The following RBFOX1 variants were observed in gnomAD, a reference collection of about 807,000 sequenced individuals.
RBFOX1 encodes the protein RNA binding protein fox-1 homolog 1.
Under a neutral mutation model 57.7 loss-of-function variants are expected in RBFOX1, and 8 were observed. That is an observed-to-expected ratio of 0.14 (90% confidence interval 0.08 to 0.25). The LOEUF is 0.25. Ranked by LOEUF, RBFOX1 falls within the 10% of genes least tolerant of loss-of-function variation. The pLI, the probability that RBFOX1 is intolerant of heterozygous loss-of-function variation, is 1.00. For synonymous variants in RBFOX1, 326 were observed against 222.4 expected (o/e 1.47, Z -4.15); for missense variants, 611 against 548.5 (o/e 1.11, Z -1.14).
At chr16:5,798,990 A>G (rs1378190932) in intron 3 of RBFOX1, among the ~76,000 whole-genome samples, 1 of 152,144 alleles carries the variant, frequency 6.6e-6, no homozygotes, top group African/African-American at 2.4e-5. Context: ...TTCCTCTGCA[A>G]AAGGGCTTAT....
chr16:5,951,304 C>T (rs148072452), intron 4 of RBFOX1, among the ~76,000 whole-genome samples: 214 of 152,040 alleles, frequency 1.4e-3, no homozygotes, highest in African/African-American at 4.5e-3. Flanking sequence ...AAAAATTACC[C>T]GGGTGTGGTG....
intron 2 of RBFOX1, among the ~76,000 whole-genome samples, chr16:6,398,936 T>A (rs2092952384): frequency 6.6e-6 from 1 of 152,196 alleles, no homozygotes; most frequent in Non-Finnish European, 1.5e-5. Context: ...CTAGCAGAGG[T>A]TCTCCATGAG....
chr16:7,446,597 T>C (rs1466167272), intron 4 of RBFOX1, among the ~76,000 whole-genome samples: 2 of 152,042 alleles, frequency 1.3e-5, no homozygotes, highest in East Asian at 3.9e-4. Flanking sequence ...TGTCCTATAG[T>C]TCTCTTTCAA....
intron 4 of RBFOX1, among the ~76,000 whole-genome samples, chr16:5,932,275 G>A (rs922200492): frequency 4.6e-5 from 7 of 152,308 alleles, no homozygotes; most frequent in African/African-American, 1.7e-4. Context: ...TGGAAGGGCC[G>A]TGCCCTAAGG....
At chr16:6,906,835 G>C (rs935266321) in intron 3 of RBFOX1, among the ~76,000 whole-genome samples, 5 of 150,918 alleles carry the variant, frequency 3.3e-5, no homozygotes, top group Non-Finnish European at 1.5e-5. Flanking sequence ...CAATTCTCCT[G>C]CCTCAGCCTC....
chr16:6,483,555 C>G (rs1040112000), intron 2 of RBFOX1: 46 of 1,534,658 alleles, frequency 3.0e-5, no homozygotes, highest in Non-Finnish European at 3.0e-5. Flanking sequence ...GTACGGCGAG[C>G]GAAGAAGACT....
chr16:6,038,513 C>T (rs1894827952), intron 1 of RBFOX1: 1 of 133,062 alleles, frequency 7.5e-6, no homozygotes, highest in Non-Finnish European at 1.6e-5. Context: ...CCTCAATATC[C>T]ATATATATAT....
chr16:7,321,982 C>T (rs1315986698), intron 4 of RBFOX1, among the ~76,000 whole-genome samples: 1 of 152,222 alleles, frequency 6.6e-6, no homozygotes, highest in East Asian at 1.9e-4. Flanking sequence ...GGTTCTGGGT[C>T]CCTCACATCT....
At position 6,340,748 on chromosome 16, in the gene RBFOX1, C is replaced by G. The variant is rs1393428238; in HGVS notation, c.-64+23691C>G. On this transcript the variant is annotated intron_variant, in intron 2 of 15. Coordinates refer to ENST00000550418, the MANE Select transcript of RBFOX1 (RefSeq NM_018723.4). ...CCTGTATCTTGTGCTGACCTCCTGT[C>G]TCATCCTGTGGCTTAGAATTCCTTA... is the stretch of plus-strand genomic sequence containing the variant. Among the ~76,000 whole-genome samples the G allele has an allele frequency of 3.3e-5, 5 of 152,130 alleles. No homozygotes were observed. In the South Asian group the frequency reaches 8.3e-4, roughly 25 times the overall value.
intron 5 of RBFOX1, among the ~76,000 whole-genome samples, chr16:7,570,209 C>T (rs1343161918): frequency 6.7e-6 from 1 of 148,688 alleles, no homozygotes; most frequent in South Asian, 2.1e-4. Flanking sequence ...TCTAAAATGA[C>T]GTATATCACT....
At chr16:5,657,600 C>G (rs1047544533) in intron 3 of RBFOX1, among the ~76,000 whole-genome samples, 8 of 142,456 alleles carry the variant, frequency 5.6e-5, no homozygotes, top group Admixed American at 2.1e-4. Context: ...TAAATTCTTT[C>G]TCGCTCGCTT....
At chr16:6,202,090 C>T (rs1473390770) in intron 1 of RBFOX1, among the ~76,000 whole-genome samples, 1 of 152,184 alleles carries the variant, frequency 6.6e-6, no homozygotes, top group Non-Finnish European at 1.5e-5. Flanking sequence ...AACAAAAAAA[C>T]ATACCTTGAG....
chr16:5,882,755 C>T (rs943375120), intron 4 of RBFOX1, among the ~76,000 whole-genome samples: 7 of 152,098 alleles, frequency 4.6e-5, no homozygotes, highest in South Asian at 2.1e-4. Flanking sequence ...GGGTTAAAGA[C>T]GGAATTTGAC....
At chr16:7,582,630 C>G (rs2093861210) in intron 6 of RBFOX1, among the ~76,000 whole-genome samples, 1 of 152,148 alleles carries the variant, frequency 6.6e-6, no homozygotes, top group Admixed American at 6.5e-5. Context: ...GGAGGGTTTC[C>G]TCTTTTGGGT....
intron 3 of RBFOX1, among the ~76,000 whole-genome samples, chr16:6,820,196 G>A (rs1454239989): frequency 2.0e-5 from 3 of 152,148 alleles, no homozygotes; most frequent in African/African-American, 4.8e-5. Flanking sequence ...CTTCCATCGT[G>A]ATTGTGAGGC....
At chr16:7,699,883 C>T (rs763582388) in intron 14 of RBFOX1, among the ~76,000 whole-genome samples, 2 of 152,052 alleles carry the variant, frequency 1.3e-5, no homozygotes, top group South Asian at 2.1e-4. Flanking sequence ...TGTGTGTCCC[C>T]AAGAACTGGT....
At chr16:5,496,506 ATC>A (rs2043007325) in intron 2 of RBFOX1, among the ~76,000 whole-genome samples, 1 of 147,740 alleles carries the variant, frequency 6.8e-6, no homozygotes, top group Non-Finnish European at 1.5e-5. Context: ...TTCTTTCCTC[ATC>A]TCTCGGTCGT....
intron 3 of RBFOX1, among the ~76,000 whole-genome samples, chr16:7,033,486 G>C (rs1244728733): frequency 1.3e-5 from 2 of 152,162 alleles, no homozygotes; most frequent in South Asian, 4.1e-4. Context: ...CGCCACTGCA[G>C]TCCAGCCTAG....
intron 3 of RBFOX1, among the ~76,000 whole-genome samples, chr16:6,970,764 GC>G (rs1437350832): frequency 2.0e-5 from 3 of 152,160 alleles, no homozygotes; most frequent in Non-Finnish European, 4.4e-5. Flanking sequence ...TCAGACCATA[GC>G]CCCCTTTAAC....
Sources: gnomAD v4.1 joint callset for allele counts (sites outside exome capture counted in the v4.1 genomes callset) on GRCh38, gnomAD v4.1.1 for gene constraint, MANE v1.5 for transcripts, NCBI Gene and HGNC (gene_info 2026-07-23, HGNC 2026-07-21) for gene names.